Variants in EPHA6 observed in about 807,000 individuals in gnomAD.
EPHA6 encodes ephrin type-A receptor 6.
Under a neutral mutation model 112.0 loss-of-function variants are expected in EPHA6, and 50 were observed. The ratio of observed to expected loss-of-function variants is 0.45; its 90% CI spans 0.36 to 0.56. The LOEUF is 0.56. EPHA6 is among the 20% of genes least tolerant of loss of function. The probability of loss-of-function intolerance (pLI) is 0.00; values close to 1 mark genes in which losing one functional copy is unlikely to be tolerated. For synonymous variants in EPHA6, 529 were observed against 490.7 expected (o/e 1.08, Z -1.03); for missense variants, 1,280 against 1,417.4 (o/e 0.90, Z 1.56).
At chr3:97,044,371 T>C (rs1295483950) in intron 3 of EPHA6, among the ~76,000 whole-genome samples, 1 of 152,206 alleles carries the variant, frequency 6.6e-6, no homozygotes, top group African/African-American at 2.4e-5. Flanking sequence ...TGCTTTGTGC[T>C]TTTACAGACA....
chr3:96,815,034 AG>A, intron 1 of EPHA6, 26 bp downstream of exon 1: 2 of 1,471,868 alleles, frequency 1.4e-6, no homozygotes, highest in Non-Finnish European at 1.8e-6. Flanking sequence ...GAGGAGCGGG[AG>A]TGGGTGGGAG....
At chr3:96,903,294 G>A (rs1168504095) in intron 2 of EPHA6, among the ~76,000 whole-genome samples, 1 of 152,120 alleles carries the variant, frequency 6.6e-6, no homozygotes, top group Non-Finnish European at 1.5e-5. Context: ...AAGAGTTGTA[G>A]GAGTTGAGGA....
chr3:97,250,361 A>C (rs2079100748), intron 5 of EPHA6, among the ~76,000 whole-genome samples: 1 of 152,224 alleles, frequency 6.6e-6, no homozygotes, highest in African/African-American at 2.4e-5. Context: ...GATTTTGAGC[A>C]GTTGGCTTTT....
chr3:96,948,895 T>TCA (rs2041405751), intron 2 of EPHA6, among the ~76,000 whole-genome samples: 1 of 152,178 alleles, frequency 6.6e-6, no homozygotes. Context: ...TTGGCTTTAC[T>TCA]CACACTGCAA....
At chr3:97,366,780 G>T (rs1357715998) in intron 5 of EPHA6, among the ~76,000 whole-genome samples, 1 of 152,178 alleles carries the variant, frequency 6.6e-6, no homozygotes, top group Non-Finnish European at 1.5e-5. Context: ...ACCTTGGATT[G>T]TAAGTCCAGA....
At chr3:97,112,331 G>A (rs2047748408) in intron 3 of EPHA6, among the ~76,000 whole-genome samples, 1 of 152,112 alleles carries the variant, frequency 6.6e-6, no homozygotes, top group Non-Finnish European at 1.5e-5. Context: ...CCATTCATGA[G>A]TTCTGTGATA....
intron 3 of EPHA6, among the ~76,000 whole-genome samples, chr3:97,150,953 A>AT (rs531746280): frequency 3.5e-4 from 53 of 152,196 alleles, no homozygotes; most frequent in African/African-American, 1.2e-3. Context: ...CATTTATCAG[A>AT]TTTTTTAAAG....
chr3:97,391,804 T>A (rs1314025521), intron 5 of EPHA6, among the ~76,000 whole-genome samples: 1 of 151,914 alleles, frequency 6.6e-6, no homozygotes, highest in Admixed American at 6.6e-5. Flanking sequence ...TTATTTCATA[T>A]TATGAATGAA....
intron 2 of EPHA6, among the ~76,000 whole-genome samples, chr3:96,880,086 A>G (rs915068392): frequency 6.6e-6 from 1 of 151,976 alleles, no homozygotes. Flanking sequence ...AACCACCTAT[A>G]CTCCGAAAGC....
intron 1 of EPHA6, among the ~76,000 whole-genome samples, chr3:96,825,232 G>A (rs2033569119): frequency 6.6e-6 from 1 of 150,908 alleles, no homozygotes; most frequent in Non-Finnish European, 1.5e-5. Context: ...GTTAGATTGA[G>A]CATAGAACTT....
intron 2 of EPHA6, among the ~76,000 whole-genome samples, chr3:96,905,645 G>C (rs535653680): frequency 6.6e-6 from 1 of 151,648 alleles, no homozygotes; most frequent in Admixed American, 6.6e-5. Context: ...TTTTTCACTT[G>C]TGGAAAAGCT....
intron 10 of EPHA6, among the ~76,000 whole-genome samples, chr3:97,497,751 T>C (rs1421400746): frequency 6.6e-6 from 1 of 152,032 alleles, no homozygotes; most frequent in African/African-American, 2.4e-5. Context: ...TAATTCTTCT[T>C]ATGCATGTGC....
At chr3:97,008,153 C>T (rs1460342468) in intron 3 of EPHA6, among the ~76,000 whole-genome samples, 1 of 152,152 alleles carries the variant, frequency 6.6e-6, no homozygotes, top group African/African-American at 2.4e-5. Flanking sequence ...GTTGGTCTGT[C>T]TTGCTAGGTT....
chr3:97,279,356 T>C (rs989338108), intron 5 of EPHA6, among the ~76,000 whole-genome samples: 1 of 152,108 alleles, frequency 6.6e-6, no homozygotes, highest in Non-Finnish European at 1.5e-5. Flanking sequence ...ACCCCCTTCA[T>C]GAAAAGCGTG....
intron 14 of EPHA6, among the ~76,000 whole-genome samples, chr3:97,693,434 A>G (rs987026693): frequency 3.3e-5 from 5 of 152,240 alleles, no homozygotes; most frequent in African/African-American, 1.2e-4. Context: ...TATTTGAAGA[A>G]TATAATTAGG....
At chr3:97,598,323 A>G (rs918057579) in intron 12 of EPHA6, among the ~76,000 whole-genome samples, 14 of 151,018 alleles carry the variant, frequency 9.3e-5, no homozygotes, top group East Asian at 3.9e-4. Flanking sequence ...GTGCAGGTTA[A>G]TTACATATGT....
At chr3:97,672,994 G>C (rs1416360464) in intron 14 of EPHA6, among the ~76,000 whole-genome samples, 1 of 152,178 alleles carries the variant, frequency 6.6e-6, no homozygotes, top group African/African-American at 2.4e-5. Flanking sequence ...ATACCTCATA[G>C]TAGAAGTGTG....
chr3:97,740,461 G>A (rs1056801093), intron 16 of EPHA6, among the ~76,000 whole-genome samples: 8 of 152,084 alleles, frequency 5.3e-5, no homozygotes, highest in African/African-American at 1.7e-4. Flanking sequence ...CTTTGCCTAG[G>A]CCAAGACACC....
intron 5 of EPHA6, among the ~76,000 whole-genome samples, chr3:97,370,073 G>C (rs1030440722): frequency 6.6e-6 from 1 of 152,018 alleles, no homozygotes; most frequent in Non-Finnish European, 1.5e-5. Flanking sequence ...CTCTCTTCAC[G>C]TTTTTAGCCA....
Sources: allele counts gnomAD v4.1 joint callset (sites outside exome capture counted in the v4.1 genomes callset), GRCh38; gene constraint gnomAD v4.1.1; transcripts MANE v1.5; gene names NCBI Gene and HGNC (gene_info 2026-07-23, HGNC 2026-07-21).